The following CAB39L variants were observed in gnomAD, a reference collection of about 807,000 sequenced individuals.
CAB39L encodes the protein calcium binding protein 39 like.
CAB39L carries 23 observed loss-of-function variants against 39.1 expected under a neutral mutation model. The ratio of observed to expected loss-of-function variants is 0.59; its 90% confidence interval spans 0.42 to 0.83. The LOEUF (loss-of-function observed/expected upper bound fraction) is 0.83. Among genes scored for constraint, CAB39L ranks in the 40% least tolerant of loss-of-function variants. CAB39L has a pLI of 0.00. For missense variants in CAB39L, 366 were observed against 391.9 expected, an observed-to-expected ratio of 0.93 and a Z score of 0.56; for synonymous variants, 126 against 137.2, an observed-to-expected ratio of 0.92 and a Z score of 0.57.
chr13:49,372,635 C>G (rs546439752), intron 5 of CAB39L, among the ~76,000 whole-genome samples: 1 of 152,106 alleles, frequency 6.6e-6, no homozygotes, highest in East Asian at 1.9e-4. Flanking sequence ...TAGAAAACCA[C>G]CCCTTCTTCA....
chr13:49,384,209 T>C (rs1956307488), intron 3 of CAB39L, among the ~76,000 whole-genome samples: 1 of 152,158 alleles, frequency 6.6e-6, no homozygotes, highest in Non-Finnish European at 1.5e-5. Flanking sequence ...TCAGCAGGAG[T>C]AGATTCCATC....
intron 3 of CAB39L, among the ~76,000 whole-genome samples, chr13:49,404,266 AG>A (rs1203057241): frequency 2.0e-5 from 3 of 152,192 alleles, no homozygotes; most frequent in Non-Finnish European, 2.9e-5. Flanking sequence ...ATCTTACCCA[AG>A]ACCACCAAGG....
intron 3 of CAB39L, among the ~76,000 whole-genome samples, chr13:49,406,495 A>C (rs186059877): frequency 8.8e-4 from 134 of 151,934 alleles, no homozygotes; most frequent in Admixed American, 1.7e-3. Flanking sequence ...TGTTCTTAAC[A>C]CAAAAAATTG....
chr13:49,395,635 T>C (rs1426255638), intron 3 of CAB39L, among the ~76,000 whole-genome samples: 5 of 152,186 alleles, frequency 3.3e-5, no homozygotes, highest in African/African-American at 1.2e-4. Context: ...CCAAAAAAGA[T>C]CATCCAACTC....
chr13:49,313,350 G>A (rs1442383352), intron 10 of CAB39L, among the ~76,000 whole-genome samples: 6 of 152,172 alleles, frequency 3.9e-5, no homozygotes, highest in East Asian at 1.9e-4. Context: ...GCGTGGTGGC[G>A]GGCGCCTGTA....
At chr13:49,319,720 G>C (rs974552151) in intron 10 of CAB39L, among the ~76,000 whole-genome samples, 2 of 151,554 alleles carry the variant, frequency 1.3e-5, no homozygotes, top group African/African-American at 4.9e-5. Context: ...GAAATGTGTG[G>C]CTGCTCTGGT....
At chr13:49,391,878 T>C (rs73186890) in intron 3 of CAB39L, among the ~76,000 whole-genome samples, 5,234 of 151,828 alleles carry the variant, frequency 0.034, 127 homozygotes, top group Non-Finnish European at 0.054. Flanking sequence ...CAACCAATAA[T>C]TACAATACAT....
intron 3 of CAB39L, among the ~76,000 whole-genome samples, chr13:49,432,679 T>C (rs1957345879): frequency 1.3e-5 from 2 of 152,198 alleles, no homozygotes; most frequent in Admixed American, 1.3e-4. Flanking sequence ...TCTTACAAGG[T>C]ACCTGAGAGT....
intron 3 of CAB39L, among the ~76,000 whole-genome samples, chr13:49,386,210 T>C (rs572120153): frequency 6.6e-6 from 1 of 152,346 alleles, no homozygotes; most frequent in South Asian, 2.1e-4. Flanking sequence ...CCATTATTAC[T>C]TTGCTTGGTT....
At chr13:49,413,239 T>C (rs1957027280) in intron 3 of CAB39L, among the ~76,000 whole-genome samples, 1 of 152,176 alleles carries the variant, frequency 6.6e-6, no homozygotes, top group African/African-American at 2.4e-5. Flanking sequence ...TTTTACCGTA[T>C]TTTATCATAA....
At chr13:49,341,347 G>A (rs755304033) in intron 8 of CAB39L, among the ~76,000 whole-genome samples, 6 of 151,652 alleles carry the variant, frequency 4.0e-5, no homozygotes, top group South Asian at 2.1e-4. Flanking sequence ...TCCGCCTCCC[G>A]GGTTCAAGCA....
chr13:49,422,603 G>A (rs1047361706), intron 3 of CAB39L, among the ~76,000 whole-genome samples: 1 of 150,514 alleles, frequency 6.6e-6, no homozygotes, highest in Non-Finnish European at 1.5e-5. Flanking sequence ...ATTTTAAAGT[G>A]TATTTCTCCC....
At chr13:49,356,337 A>C (rs1219474105) in intron 6 of CAB39L, among the ~76,000 whole-genome samples, 2 of 152,210 alleles carry the variant, frequency 1.3e-5, no homozygotes, top group Non-Finnish European at 2.9e-5. Context: ...CTTCTGGAAC[A>C]TAGTCCACTG....
chr13:49,409,227 T>G (rs1215149726), intron 3 of CAB39L, among the ~76,000 whole-genome samples: 1 of 152,152 alleles, frequency 6.6e-6, no homozygotes, highest in Admixed American at 6.5e-5. Flanking sequence ...ACACTGGCTC[T>G]GATTCAGGCA....
At chr13:49,437,523 T>C (rs1191310714) in intron 1 of CAB39L, among the ~76,000 whole-genome samples, 1 of 152,138 alleles carries the variant, frequency 6.6e-6, no homozygotes, top group Non-Finnish European at 1.5e-5. Flanking sequence ...CACTTCTCTA[T>C]CCAGGGTGGG....
chr13:49,431,957 A>G (rs914318740), intron 3 of CAB39L, among the ~76,000 whole-genome samples: 1 of 152,170 alleles, frequency 6.6e-6, no homozygotes, highest in African/African-American at 2.4e-5. Flanking sequence ...AATAAAAAGG[A>G]ATAAACTATT....
At chr13:49,374,743 T>A (rs573356696) in intron 5 of CAB39L, among the ~76,000 whole-genome samples, 1 of 152,358 alleles carries the variant, frequency 6.6e-6, no homozygotes, top group African/African-American at 2.4e-5. Context: ...CTGTGGCTGC[T>A]CAAAGCTTCT....
Position 49,382,956 on chromosome 13 carries a change from G to T in CAB39L, c.-31-15C>A. 1 of 1,137,324 alleles carries T rather than the reference G, an allele frequency of 8.8e-7. No individual in the cohort carries two copies. Among genetic ancestry groups the T allele is most frequent in the Non-Finnish European group, 1.3e-6 (1 of 772,688 alleles). 70.5% of individuals were successfully genotyped at this position (1,137,324 alleles called of 1,614,324 possible). On this transcript the variant is annotated splice_polypyrimidine_tract_variant and intron_variant, in intron 3 of 10. Coordinates refer to ENST00000409308, the MANE Select transcript of CAB39L (RefSeq NM_001079670.3). ...AATATGGAATGCTAAAAACAAATAAGCCAACAAAAATTATAACTTTAACTC... is the reference window on the plus strand; with the variant it reads ...AATATGGAATGCTAAAAACAAATAATCCAACAAAAATTATAACTTTAACTC...
chr13:49,433,142 G>C (rs1440801547), intron 3 of CAB39L, among the ~76,000 whole-genome samples, 176 bp downstream of exon 3: 3 of 152,042 alleles, frequency 2.0e-5, no homozygotes, highest in African/African-American at 7.2e-5. Context: ...GAGGAATTCA[G>C]GCTCTCTAGT....
Sources: gnomAD v4.1 joint callset for allele counts (sites outside exome capture counted in the v4.1 genomes callset) on GRCh38, gnomAD v4.1.1 for gene constraint, MANE v1.5 for transcripts, NCBI Gene and HGNC (gene_info 2026-07-23, HGNC 2026-07-21) for gene names.